The following MTERF4 variants were observed in gnomAD, a reference collection of about 807,000 sequenced individuals.
MTERF4 encodes mitochondrial transcription termination factor 4, also known as transcription termination factor 4, mitochondrial.
A neutral mutation model predicts 22.5 loss-of-function variants in MTERF4; 17 were observed. The observed-to-expected ratio is 0.75, with a 90% CI of 0.52 to 1.13. MTERF4 has a LOEUF of 1.13. MTERF4 is among the 50% of genes most tolerant of loss of function. The pLI is 0.00. For missense variants in MTERF4, 420 were observed against 466.8 expected (o/e 0.90, Z 0.92); for synonymous variants, 165 against 175.3 (o/e 0.94, Z 0.47).
Position 241,095,826 on chromosome 2 carries a change from T to G in MTERF4, c.*172A>C. On this transcript the variant is annotated 3_prime_UTR_variant, in exon 4 of 4. Coordinates refer to ENST00000391980, the MANE Select transcript of MTERF4 (RefSeq NM_182501.4). ...TCAAACATGCATTTCCTGTTTCCTG[T>G]TTGGTTTGATCTGTCTGCCTCTCAG... The G allele has an allele frequency of 2.5e-6, 3 of 1,196,150 alleles. No homozygotes were observed. Among genetic ancestry groups the G allele is most frequent in the Non-Finnish European group, 3.5e-6 (3 of 858,144 alleles). 74.1% of individuals were successfully genotyped at this position (1,196,150 alleles called of 1,614,324 possible).
At chr2:241,087,319 C>G, downstream of MTERF4, 1 of 1,428,442 alleles carries the variant, frequency 7.0e-7, no homozygotes, top group East Asian at 2.5e-5. Flanking sequence ...TGTGGGTTCA[C>G]ATAGCCTAGG....
chr2:241,089,277 C>G (rs2063754204), downstream of MTERF4: 2 of 1,547,114 alleles, frequency 1.3e-6, no homozygotes, highest in Non-Finnish European at 1.7e-6. Context: ...TATAGGAGCC[C>G]TCACAGTTCA....
the MTERF4 span, among the ~76,000 whole-genome samples, chr2:241,057,318 G>T: frequency 1.3e-5 from 2 of 150,352 alleles, no homozygotes; most frequent in Non-Finnish European, 2.9e-5. Context: ...GGCGGAGGTT[G>T]CAATGAGCCG....
chr2:241,097,254 A>C lies in MTERF4; in HGVS notation c.694T>G (p.Tyr232Asp). 1 of 1,613,932 alleles carries C rather than the reference A, an allele frequency of 6.2e-7. No homozygotes were observed. Among genetic ancestry groups the C allele is most frequent in the Non-Finnish European group, 8.5e-7 (1 of 1,179,900 alleles). ...TCAGTCATTCTCACCTGAAACTTGT[A>C]TTCCAGTTGACCCAGGTCCTCTCGA... The part of the protein sequence containing the change: ...VLREDLGQLE[Y>D]KFQYAYFRMG... The change falls in exon 3 of 4, where the codon TAC (tyrosine) becomes GAC (aspartate). Residue 232 changes from tyrosine (Y) to aspartate (D), a missense_variant. Tyr to Asp is a radical substitution (Grantham distance 160). Coordinates refer to ENST00000391980, the MANE Select transcript of MTERF4 (RefSeq NM_182501.4).
chr2:241,063,361 G>T, the MTERF4 span: 3 of 575,764 alleles, frequency 5.2e-6, no homozygotes, highest in Non-Finnish European at 9.4e-6. Flanking sequence ...TGGCCTGGAG[G>T]AAGGCATGGC....
At chr2:241,053,177 A>G in the MTERF4 span, 5 of 1,610,966 alleles carry the variant, frequency 3.1e-6, no homozygotes, top group South Asian at 5.5e-5. Flanking sequence ...CCCCCGGAGG[A>G]GGTGAAGCAC....
Position 241,102,252 on chromosome 2 carries a change from C to T in MTERF4, c.21+1G>A. The stretch of plus-strand genomic sequence containing the variant: ...AGCCCGCGCGCCCAGCTCGAGCTTA[C>T]CTGACGGCCGAACGCAGCCATAGCG... On this transcript the variant is annotated splice_donor_variant, in intron 1 of 3. Coordinates refer to ENST00000391980, the MANE Select transcript of MTERF4 (RefSeq NM_182501.4). LOFTEE classifies it high-confidence loss of function. The T allele has an allele frequency of 6.5e-7, 1 of 1,549,526 alleles. No individual in the cohort carries two copies. Among genetic ancestry groups the T allele is most frequent in the South Asian group, 1.2e-5 (1 of 84,038 alleles).
the MTERF4 span, among the ~76,000 whole-genome samples, chr2:241,066,977 C>T: frequency 2.0e-5 from 3 of 152,190 alleles, no homozygotes; most frequent in African/African-American, 4.8e-5. Flanking sequence ...GGCGCATGTG[C>T]GGGTGGCACT....
the MTERF4 span, among the ~76,000 whole-genome samples, chr2:241,043,604 T>C: frequency 6.6e-6 from 1 of 152,132 alleles, no homozygotes; most frequent in Admixed American, 6.5e-5. Context: ...ATGATAAATA[T>C]GTGGGTTGAA....
At chr2:241,062,033 T>C in the MTERF4 span, among the ~76,000 whole-genome samples, 1 of 152,144 alleles carries the variant, frequency 6.6e-6, no homozygotes, top group East Asian at 1.9e-4. Context: ...CATATAATGC[T>C]GAGAGAAGAC....
Position 241,095,855 on chromosome 2 carries a change from A to G in MTERF4, c.*143T>C, listed in dbSNP as rs1465129680. ...GTTTGATCTGTCTGCCTCTCAGGTG[A>G]CTTATAATTTTTTTCATCAAGAGAC... On this transcript the variant is annotated 3_prime_UTR_variant, in exon 4 of 4. Coordinates refer to ENST00000391980, the MANE Select transcript of MTERF4 (RefSeq NM_182501.4). 3 of 1,442,168 alleles carry G rather than the reference A, an allele frequency of 2.1e-6. No individual in the cohort carries two copies. The highest frequency in any genetic ancestry group is 2.8e-6 in the Non-Finnish European group (3 of 1,077,712). 89.3% of individuals were successfully genotyped at this position (1,442,168 alleles called of 1,614,324 possible).
the MTERF4 span, among the ~76,000 whole-genome samples, chr2:241,044,917 A>G: frequency 6.6e-6 from 1 of 152,232 alleles, no homozygotes; most frequent in Non-Finnish European, 1.5e-5. Flanking sequence ...AGGTAGCCCC[A>G]GAAAACTGGA....
At chr2:241,058,677 G>A in the MTERF4 span, among the ~76,000 whole-genome samples, 31 of 152,292 alleles carry the variant, frequency 2.0e-4, no homozygotes, top group Admixed American at 3.9e-4. Context: ...TGGGCCGGGC[G>A]CGGTGGCTCA....
chr2:241,070,243 G>A (rs1166511017), downstream of MTERF4: 3 of 1,556,258 alleles, frequency 1.9e-6, no homozygotes, highest in African/African-American at 4.0e-5. Flanking sequence ...GCCAGTGTTT[G>A]CCAGCCCTCC....
At chr2:241,063,627 G>A in the MTERF4 span, 1 of 1,612,046 alleles carries the variant, frequency 6.2e-7, no homozygotes, top group Non-Finnish European at 8.5e-7. Context: ...GAAATGGAGG[G>A]TCCTGCAGGA....
chr2:241,048,667 C>G, the MTERF4 span: 2 of 1,609,356 alleles, frequency 1.2e-6, no homozygotes, highest in East Asian at 4.5e-5. Context: ...GGCAGGAGTC[C>G]CCGATGACTG....
chr2:241,080,083 G>C (rs1373606050), intron 4 of MTERF4, among the ~76,000 whole-genome samples: 1 of 152,142 alleles, frequency 6.6e-6, no homozygotes, highest in African/African-American at 2.4e-5. Context: ...TCAGGAGTTT[G>C]AATCCAGCCT....
At chr2:241,089,442 C>T (rs563633880), downstream of MTERF4, 1 of 1,546,552 alleles carries the variant, frequency 6.5e-7, no homozygotes, top group South Asian at 1.2e-5. Context: ...CAGATATAGG[C>T]TCACACACAC....
chr2:241,062,645 A>G, the MTERF4 span: 4 of 698,594 alleles, frequency 5.7e-6, no homozygotes, highest in Middle Eastern at 2.3e-4. Flanking sequence ...CCCGACTCCA[A>G]GGATATCCAG....
Sources: allele counts gnomAD v4.1 joint callset (sites outside exome capture counted in the v4.1 genomes callset), GRCh38; gene constraint gnomAD v4.1.1; transcripts MANE v1.5; gene names NCBI Gene and HGNC (gene_info 2026-07-23, HGNC 2026-07-21).